Variants in ITFG1 observed in about 807,000 individuals in gnomAD.
ITFG1 encodes integrin alpha FG-GAP repeat containing 1, also known as T-cell immunomodulatory protein.
ITFG1 carries 34 observed loss-of-function variants against 81.8 expected under a neutral mutation model. The ratio of observed to expected loss-of-function variants is 0.42; its 90% CI spans 0.32 to 0.55. ITFG1 has a LOEUF of 0.55. Ranked by LOEUF, ITFG1 falls within the 20% of genes least tolerant of loss-of-function variation. ITFG1 has a pLI of 0.17. For missense variants in ITFG1, 672 were observed against 755.4 expected (o/e 0.89, Z 1.29); for synonymous variants, 285 against 270.6 (o/e 1.05, Z -0.52).
At chr16:47,230,869 C>A (rs1567430236) in intron 13 of ITFG1, among the ~76,000 whole-genome samples, 1 of 152,210 alleles carries the variant, frequency 6.6e-6, no homozygotes, top group Non-Finnish European at 1.5e-5. Flanking sequence ...CTGCCTCAGC[C>A]TCCCGAGTAG....
At chr16:47,180,327 G>A (rs1965090080) in intron 14 of ITFG1, among the ~76,000 whole-genome samples, 1 of 151,912 alleles carries the variant, frequency 6.6e-6, no homozygotes, top group African/African-American at 2.4e-5. Flanking sequence ...AGGGAACACA[G>A]GAGACTTGAA....
chr16:47,261,373 T>C (rs2151542585), intron 10 of ITFG1, among the ~76,000 whole-genome samples: 1 of 152,310 alleles, frequency 6.6e-6, no homozygotes. Flanking sequence ...ACTTAGAGCA[T>C]AGGTTGTTAA....
intron 14 of ITFG1, among the ~76,000 whole-genome samples, chr16:47,175,611 A>G (rs1470647567): frequency 6.6e-6 from 1 of 152,180 alleles, no homozygotes; most frequent in African/African-American, 2.4e-5. Context: ...AATGACAAGG[A>G]GCAACCTCTC....
intron 8 of ITFG1, among the ~76,000 whole-genome samples, chr16:47,363,055 T>C (rs1307740416): frequency 6.6e-6 from 1 of 151,910 alleles, no homozygotes; most frequent in Non-Finnish European, 1.5e-5. Context: ...TGCCACCACG[T>C]CCAGCTAATT....
chr16:47,375,787 C>G (rs1018416833), intron 7 of ITFG1, 89 bp downstream of exon 7: 47 of 837,756 alleles, frequency 5.6e-5, no homozygotes, highest in Non-Finnish European at 8.7e-5. Flanking sequence ...TGAAATCAAC[C>G]AAGTGATTAT....
Position 47,407,878 on chromosome 16 carries a change from T to C in ITFG1, c.655+20926A>G, listed in dbSNP as rs115262277. The stretch of plus-strand genomic sequence containing the variant: ...GACATATACATACATATGTTATTAG[T>C]ATGCAGGGTTATGACCCAGTAGATG... On this transcript the variant is annotated intron_variant, in intron 6 of 17. Transcript: ENST00000320640. 8.0e-3 allele frequency among the ~76,000 whole-genome samples: 1,220 copies of C among 152,242 alleles called. 17 individuals carry two copies. The highest frequency in any genetic ancestry group is 0.028 in the African/African-American group (1,181 of 41,536).
At chr16:47,457,609 G>C (rs1432781837) in intron 2 of ITFG1, among the ~76,000 whole-genome samples, 1 of 152,012 alleles carries the variant, frequency 6.6e-6, no homozygotes, top group Non-Finnish European at 1.5e-5. Context: ...CAGGGGTGTG[G>C]GGGAGAATAA....
rs75677582 is a variant in ITFG1, at chr16:47,210,359, A to G, written c.1453+8509T>C. ...ATCTTCTTCAGTGAAATGTCTCTTCATGTCTCTTGTCCATGTTTTAATTTG... is the reference window on the plus strand; with the variant it reads ...ATCTTCTTCAGTGAAATGTCTCTTCGTGTCTCTTGTCCATGTTTTAATTTG... On this transcript the variant is annotated intron_variant, in intron 14 of 17. Transcript: ENST00000320640. 2.8e-3 allele frequency among the ~76,000 whole-genome samples: 422 copies of G among 152,140 alleles called. 5 individuals are homozygous for G. Among genetic ancestry groups the G allele is most frequent in the East Asian group, 1.7e-3 (9 of 5,180 alleles).
At chr16:47,444,735 A>G (rs1018683667) in intron 5 of ITFG1, among the ~76,000 whole-genome samples, 1 of 152,190 alleles carries the variant, frequency 6.6e-6, no homozygotes, top group African/African-American at 2.4e-5. Context: ...TTTATCTACG[A>G]ATTTGATGGT....
intron 13 of ITFG1, among the ~76,000 whole-genome samples, chr16:47,222,000 G>C (rs565784222): frequency 1.3e-3 from 203 of 151,716 alleles, no homozygotes; most frequent in Non-Finnish European, 2.5e-3. Context: ...TCTTGCTAGC[G>C]GTCTATCAAT....
At chr16:47,159,637 A>T (rs1049083001) in intron 16 of ITFG1, among the ~76,000 whole-genome samples, 4 of 152,158 alleles carry the variant, frequency 2.6e-5, no homozygotes, top group Non-Finnish European at 5.9e-5. Context: ...TTTCCTTCTA[A>T]AACAGTCCAT....
chr16:47,307,393 CAG>C (rs1241103852), intron 10 of ITFG1, among the ~76,000 whole-genome samples: 1 of 152,028 alleles, frequency 6.6e-6, no homozygotes, highest in African/African-American at 2.4e-5. Context: ...TTTCTTCCCT[CAG>C]AACTAATTAG....
At chr16:47,298,867 G>A (rs1017218656) in intron 10 of ITFG1, among the ~76,000 whole-genome samples, 3 of 152,192 alleles carry the variant, frequency 2.0e-5, no homozygotes, top group African/African-American at 4.8e-5. Flanking sequence ...CTGTAGAAGC[G>A]CTTTCAGTGT....
chr16:47,354,370 C>A (rs1968010071), intron 8 of ITFG1, among the ~76,000 whole-genome samples: 1 of 151,962 alleles, frequency 6.6e-6, no homozygotes, highest in Non-Finnish European at 1.5e-5. Context: ...TGAAAGTCAA[C>A]CCCCATTTCT....
chr16:47,443,485 G>C (rs1232441192), intron 5 of ITFG1, among the ~76,000 whole-genome samples: 6 of 152,068 alleles, frequency 3.9e-5, no homozygotes, highest in African/African-American at 7.2e-5. Context: ...ATAGCAAAGA[G>C]TTGGAAACAA....
intron 12 of ITFG1, among the ~76,000 whole-genome samples, chr16:47,242,325 C>A (rs1424565586): frequency 1.2e-4 from 18 of 144,568 alleles, no homozygotes; most frequent in Non-Finnish European, 1.5e-4. Flanking sequence ...AGAGAAAATG[C>A]AAATAATCAA....
rs1412177375 is a variant in ITFG1, at chr16:47,155,695, C to T, written c.*24G>A. The T allele has an allele frequency of 6.5e-7, 1 of 1,535,380 alleles. No homozygotes were observed. Among genetic ancestry groups the T allele is most frequent in the Non-Finnish European group, 8.9e-7 (1 of 1,122,044 alleles). The stretch of plus-strand genomic sequence containing the variant: ...TCAACTAATCAAGTGAACAGCCATT[C>T]CATTATGTAATATTAAAGGCAAGTC... On this transcript the variant is annotated 3_prime_UTR_variant, in exon 18 of 18. Coordinates refer to ENST00000320640, the MANE Select transcript of ITFG1 (RefSeq NM_030790.5).
intron 12 of ITFG1, among the ~76,000 whole-genome samples, chr16:47,242,395 C>T (rs547375267): frequency 1.3e-5 from 2 of 149,846 alleles, no homozygotes; most frequent in African/African-American, 4.9e-5. Context: ...CAATTTTATT[C>T]CCAAGAGATA....
chr16:47,276,042 A>T (rs930472420), intron 10 of ITFG1, among the ~76,000 whole-genome samples: 8 of 152,132 alleles, frequency 5.3e-5, no homozygotes, highest in Non-Finnish European at 1.0e-4. Context: ...TCAACACTGT[A>T]ATGAAGGTCC....
Sources: allele counts gnomAD v4.1 joint callset (sites outside exome capture counted in the v4.1 genomes callset), GRCh38; gene constraint gnomAD v4.1.1; transcripts MANE v1.5; gene names NCBI Gene and HGNC (gene_info 2026-07-23, HGNC 2026-07-21).